The following HVCN1 variants were observed in gnomAD, a reference collection of about 807,000 sequenced individuals.
HVCN1 encodes voltage-gated hydrogen channel 1.
A neutral mutation model predicts 29.2 loss-of-function variants in HVCN1; 14 were observed. The observed-to-expected ratio is 0.48, with a 90% CI of 0.32 to 0.75. The LOEUF is 0.75. HVCN1 is among the 30% of genes least tolerant of loss of function. The pLI is 0.04. For missense variants in HVCN1, 263 were observed against 341.8 expected, an observed-to-expected ratio of 0.77 and a Z score of 1.82; for synonymous variants, 131 against 133.2, an observed-to-expected ratio of 0.98 and a Z score of 0.11.
intron 3 of HVCN1, among the ~76,000 whole-genome samples, chr12:110,666,034 G>T (rs894948600): frequency 2.0e-5 from 3 of 149,886 alleles, no homozygotes; most frequent in African/African-American, 7.4e-5. Flanking sequence ...AAAAAAAAAA[G>T]ATCCAGATGG....
intron 3 of HVCN1, among the ~76,000 whole-genome samples, chr12:110,664,612 GA>G (rs1334368034): frequency 6.6e-6 from 1 of 152,170 alleles, no homozygotes; most frequent in Non-Finnish European, 1.5e-5. Context: ...GAAGAAAAAT[GA>G]ATGAGGCAAA....
In HVCN1 at chr12:110,661,241, C is replaced by T; in HGVS notation, c.229G>A (p.Ala77Thr). The change falls in exon 4 of 8, where the codon GCC becomes ACC. Residue 77 changes from alanine (A) to threonine (T), a missense_variant. This residue lies in a region of HVCN1 where 157 missense variants were observed against 181.3 expected (regional missense o/e 0.87). Transcript: ENST00000242607. This position sits in a 1 kb window ranked among gnomAD's most constrained non-coding sequence, Gnocchi z 6.2. The stretch of plus-strand genomic sequence containing the variant: ...GGGGCCCTGGGTGCGGGGCCAGGGG[C>T]AGGGGCAACGTCAGGGGCTGCAGCT... Reference protein sequence around the residue: ...GRAAAPDVAPAPGPAPRAPLD... With the variant: ...GRAAAPDVAPTPGPAPRAPLD... 6.2e-7 allele frequency: 1 copy of T among 1,614,084 alleles called. No individual in the cohort carries two copies. The highest frequency in any genetic ancestry group is 8.5e-7 in the Non-Finnish European group (1 of 1,179,970).
chr12:110,696,029 T>C (rs2069484532), intron 2 of HVCN1, among the ~76,000 whole-genome samples: 1 of 151,000 alleles, frequency 6.6e-6, no homozygotes, highest in African/African-American at 2.4e-5. Context: ...CTCAGCTCAC[T>C]GCAACCTCTG....
chr12:110,674,068 T>G (rs1001550366), intron 3 of HVCN1, among the ~76,000 whole-genome samples: 4 of 152,134 alleles, frequency 2.6e-5, no homozygotes, highest in African/African-American at 4.8e-5. Context: ...AGCCAGGAGG[T>G]GGGTTATACC....
chr12:110,687,635 C>T (rs900538469), intron 2 of HVCN1, among the ~76,000 whole-genome samples: 22 of 151,882 alleles, frequency 1.4e-4, no homozygotes, highest in African/African-American at 4.6e-4. Flanking sequence ...GAGATGCTGG[C>T]GGCCTGGTCT....
At chr12:110,700,666 C>T (rs1381180761) in intron 2 of HVCN1, among the ~76,000 whole-genome samples, 4 of 152,218 alleles carry the variant, frequency 2.6e-5, no homozygotes, top group East Asian at 3.9e-4. Context: ...GATTATGGCT[C>T]ACTGCAGCCT....
intron 2 of HVCN1, among the ~76,000 whole-genome samples, chr12:110,701,888 AC>A (rs1438727087): frequency 1.3e-5 from 2 of 149,158 alleles, no homozygotes; most frequent in African/African-American, 5.0e-5. Flanking sequence ...GAACAAAACA[AC>A]AACAACAACA....
chr12:110,668,910 C>T (rs962938197), intron 3 of HVCN1, among the ~76,000 whole-genome samples: 17 of 152,126 alleles, frequency 1.1e-4, no homozygotes, highest in Non-Finnish European at 2.5e-4. Context: ...TATCTCTGGC[C>T]ACCCTCCTCA....
At chr12:110,686,817 C>T (rs923503389) in intron 2 of HVCN1, among the ~76,000 whole-genome samples, 2 of 152,190 alleles carry the variant, frequency 1.3e-5, no homozygotes, top group African/African-American at 2.4e-5. Flanking sequence ...TGATCCCACC[C>T]TTGACTTGCA....
At chr12:110,681,220 TTTC>T (rs1272891039) in intron 3 of HVCN1, among the ~76,000 whole-genome samples, 1 of 152,232 alleles carries the variant, frequency 6.6e-6, no homozygotes, top group Non-Finnish European at 1.5e-5. Flanking sequence ...TTTTGCTTTT[TTTC>T]TTCATAGTAC....
At chr12:110,665,603 C>T (rs961033242) in intron 3 of HVCN1, among the ~76,000 whole-genome samples, 1 of 150,766 alleles carries the variant, frequency 6.6e-6, no homozygotes, top group African/African-American at 2.4e-5. Context: ...TAGAACTGGC[C>T]AAGAAAGACT....
intron 7 of HVCN1, among the ~76,000 whole-genome samples, chr12:110,649,682 ACCTGGCAGAG>A (rs1229857152): frequency 6.6e-6 from 1 of 151,904 alleles, no homozygotes; most frequent in African/African-American, 2.4e-5. Context: ...AACGTGGGGG[ACCTGGCAGAG>A]CCCTGGGATG....
At chr12:110,683,383 G>A (rs571115280) in intron 2 of HVCN1, 119 bp from the exon 3 acceptor site, 23 of 1,219,306 alleles carry the variant, frequency 1.9e-5, no homozygotes, top group Middle Eastern at 2.1e-4. Flanking sequence ...AACTGTGCCC[G>A]AAATTAGTGT....
chr12:110,674,460 G>A (rs753336527), intron 3 of HVCN1, among the ~76,000 whole-genome samples: 5 of 152,168 alleles, frequency 3.3e-5, no homozygotes, highest in African/African-American at 7.2e-5. Flanking sequence ...TTTAAAATGT[G>A]AGGATATGAG....
At chr12:110,652,908 C>T (rs1039570739) in intron 5 of HVCN1, among the ~76,000 whole-genome samples, 1 of 152,202 alleles carries the variant, frequency 6.6e-6, no homozygotes, top group African/African-American at 2.4e-5. Flanking sequence ...AGCAGTCCAG[C>T]AAGTGACCCA....
chr12:110,681,763 C>T (rs1344224444), intron 3 of HVCN1, among the ~76,000 whole-genome samples: 4 of 152,148 alleles, frequency 2.6e-5, no homozygotes, highest in African/African-American at 9.7e-5. Context: ...CTGCTCTGCC[C>T]TCGCCAGCTT....
intron 3 of HVCN1, among the ~76,000 whole-genome samples, chr12:110,677,560 G>A (rs572924325): frequency 4.3e-4 from 66 of 152,258 alleles, no homozygotes; most frequent in African/African-American, 1.4e-3. Context: ...CCTGGATGGT[G>A]GAAGGTGGAA....
In HVCN1 at chr12:110,669,406, C is replaced by T. The variant is rs116920307; in HGVS notation, c.22-7958G>A. ...CAGCGACCTCCATGCCCACAACTGC[C>T]TTCAGGATCGAGTCCCAGCTCTCTT... On this transcript the variant is annotated intron_variant, in intron 3 of 7. Transcript: ENST00000242607. Among the ~76,000 whole-genome samples, 77 of 152,274 alleles carry T rather than the reference C, an allele frequency of 5.1e-4. 1 individual carries two copies. The East Asian group carries it at 0.012, about 24-fold the overall frequency.
At chr12:110,685,648 C>A (rs2069150108) in intron 2 of HVCN1, among the ~76,000 whole-genome samples, 1 of 152,012 alleles carries the variant, frequency 6.6e-6, no homozygotes, top group South Asian at 2.1e-4. Flanking sequence ...CACCCCAGCG[C>A]TTCCATAAAT....
Sources: allele counts gnomAD v4.1 joint callset (sites outside exome capture counted in the v4.1 genomes callset), GRCh38; gene constraint gnomAD v4.1.1; regional missense constraint gnomAD v4.1.1; non-coding constraint Gnocchi (gnomAD v3.1); transcripts MANE v1.5; gene names NCBI Gene and HGNC (gene_info 2026-07-23, HGNC 2026-07-21).